BIRC6: variants seen among roughly 807,000 people sequenced by gnomAD.
The protein encoded by BIRC6 is baculoviral IAP repeat containing 6.
BIRC6 carries 98 observed loss-of-function variants against 503.3 expected under a neutral mutation model. The observed-to-expected ratio is 0.19, with a 90% confidence interval of 0.17 to 0.23. BIRC6 has a LOEUF of 0.23. BIRC6 is among the 10% of genes least tolerant of loss of function. The probability of loss-of-function intolerance (pLI) is 1.00; values close to 1 mark genes in which losing one functional copy is unlikely to be tolerated. For synonymous variants in BIRC6, 2,240 were observed against 2,078.7 expected (o/e 1.08, Z -2.11); for missense variants, 5,360 against 5,806.0 (o/e 0.92, Z 2.50).
chr2:32,410,551 T>C (rs932778812), intron 9 of BIRC6, among the ~76,000 whole-genome samples: 1 of 152,172 alleles, frequency 6.6e-6, no homozygotes, highest in Admixed American at 6.5e-5. Context: ...TGAAATGACA[T>C]CATCCCCAGA....
At chr2:32,532,314 A>AG in intron 61 of BIRC6, 2 of 469,608 alleles carry the variant, frequency 4.3e-6, no homozygotes, top group Non-Finnish European at 8.8e-6. Context: ...AGATATCAGC[A>AG]GGGCCATGCT....
chr2:32,423,167 T>G (rs1172443802), intron 10 of BIRC6, among the ~76,000 whole-genome samples: 5 of 152,230 alleles, frequency 3.3e-5, no homozygotes, highest in Non-Finnish European at 7.3e-5. Flanking sequence ...TGACCTTAAG[T>G]GCTCCGCCCG....
chr2:32,467,362 T>C (rs942014707), intron 26 of BIRC6, among the ~76,000 whole-genome samples, 163 bp from the exon 27 acceptor site: 4 of 152,246 alleles, frequency 2.6e-5, no homozygotes, highest in Non-Finnish European at 5.9e-5. Context: ...CAGAAAATTT[T>C]TGAATCAATT....
chr2:32,407,508 G>A (rs1490724803), intron 9 of BIRC6, among the ~76,000 whole-genome samples: 7 of 151,604 alleles, frequency 4.6e-5, no homozygotes, highest in Non-Finnish European at 1.5e-5. Context: ...TAGTGCCTGG[G>A]AAGTACCCAG....
At chr2:32,529,937 A>C (rs998283129) in intron 60 of BIRC6, 113 bp downstream of exon 60, 6 of 658,336 alleles carry the variant, frequency 9.1e-6, no homozygotes, top group Middle Eastern at 4.3e-4. Context: ...ATAAGATATA[A>C]TTTTTTTATG....
In BIRC6 at chr2:32,515,545, C is replaced by G. The variant is rs1423371299; in HGVS notation, c.11124C>G (p.Val3708=). The part of the protein sequence containing the change: ...IMKDWLGGSE[V]NPLWTALLFL... ...AAGATTGGCTTGGTGGTTCTGAAGT[C>G]AATCCACTATGGACAGCACTTCTGT... Residue 3708 remains valine, a synonymous_variant, in exon 55 of 74, where the codon GTC becomes GTG. Transcript: ENST00000421745. The G allele has an allele frequency of 6.2e-7, 1 of 1,613,972 alleles. No individual in the cohort carries two copies.
At chr2:32,400,961 A>G (rs899429163) in intron 6 of BIRC6, among the ~76,000 whole-genome samples, 1 of 152,132 alleles carries the variant, frequency 6.6e-6, no homozygotes, top group Non-Finnish European at 1.5e-5. Flanking sequence ...GAATGTTTGG[A>G]ATATTGAATG....
chr2:32,597,430 C>T (rs1232444855), intron 68 of BIRC6, among the ~76,000 whole-genome samples: 4 of 152,134 alleles, frequency 2.6e-5, no homozygotes, highest in Admixed American at 6.5e-5. Context: ...TTAATAGACC[C>T]TGTCCTCTAT....
Position 32,436,126 on chromosome 2 carries a change from C to G in BIRC6, c.3573C>G (p.Gly1191=), listed in dbSNP as rs1574190581. ...GTGGGCCAGTATGGCTTGCTAGTGG[C>G]CTTGATCTATCAGGGCATGCTGGAA... ...ILCGPVWLAS[G]LDLSGHAGML... is the part of the protein sequence containing the mutation. Residue 1191 remains glycine, a synonymous_variant, in exon 15 of 74, where the codon GGC becomes GGG. Transcript: ENST00000421745. The G allele has an allele frequency of 6.7e-7, 1 of 1,497,260 alleles. No homozygotes were observed. Among genetic ancestry groups the G allele is most frequent in the Non-Finnish European group, 9.0e-7 (1 of 1,109,754 alleles). 92.7% of individuals were successfully genotyped at this position (1,497,260 alleles called of 1,614,324 possible).
At chr2:32,483,665 G>A (rs1205696147) in intron 39 of BIRC6, among the ~76,000 whole-genome samples, 1 of 152,264 alleles carries the variant, frequency 6.6e-6, no homozygotes, top group Middle Eastern at 3.4e-3. Flanking sequence ...CCTCATAGTT[G>A]ACCTTCATGA....
intron 23 of BIRC6, among the ~76,000 whole-genome samples, chr2:32,459,478 A>G (rs1574360331): frequency 6.6e-6 from 1 of 152,160 alleles, no homozygotes; most frequent in African/African-American, 2.4e-5. Context: ...AGTACAACCT[A>G]CAAATATTCT....
chr2:32,401,871 C>T (rs574116176), intron 8 of BIRC6, among the ~76,000 whole-genome samples: 1 of 152,172 alleles, frequency 6.6e-6, no homozygotes, highest in African/African-American at 2.4e-5. Flanking sequence ...ATAATTGCCA[C>T]ATTGAACAAT....
intron 21 of BIRC6, among the ~76,000 whole-genome samples, 184 bp from the exon 22 acceptor site, chr2:32,448,611 G>C (rs2046345177): frequency 6.6e-6 from 1 of 151,948 alleles, no homozygotes. Context: ...GTACAGTCCA[G>C]CTTCGGCTCG....
At chr2:32,600,811 T>TA (rs2062006756) in intron 70 of BIRC6, among the ~76,000 whole-genome samples, 1 of 152,196 alleles carries the variant, frequency 6.6e-6, no homozygotes, top group Non-Finnish European at 1.5e-5. Flanking sequence ...TACACACTGT[T>TA]AGCATTTAAT....
chr2:32,540,729 T>C (rs567491597), intron 61 of BIRC6, among the ~76,000 whole-genome samples: 2 of 152,156 alleles, frequency 1.3e-5, no homozygotes, highest in East Asian at 1.9e-4. Flanking sequence ...TTGAAATTAA[T>C]CTTTGTTGAT....
intron 61 of BIRC6, among the ~76,000 whole-genome samples, chr2:32,536,559 G>A (rs1442191139): frequency 6.6e-6 from 1 of 152,150 alleles, no homozygotes; most frequent in Non-Finnish European, 1.5e-5. Context: ...TTATTAAATA[G>A]GGAATCCTTT....
chr2:32,474,981 G>A (rs1254639386), intron 33 of BIRC6, among the ~76,000 whole-genome samples: 9 of 151,568 alleles, frequency 5.9e-5, no homozygotes, highest in African/African-American at 1.7e-4. Flanking sequence ...AGGTTGAGGC[G>A]GGTGGATCAG....
rs201321733 is a variant in BIRC6 at position 32,431,086 on chromosome 2, G to C, written c.3244G>C (p.Asp1082His). The change falls in exon 12 of 74, where the codon GAC (aspartate) becomes CAC (histidine). Residue 1082 changes from aspartate (D) to histidine (H), a missense_variant. Transcript: ENST00000421745. ...QHTRTWKLQTDSNSWDEHVFE... is the reference protein window; with the variant it reads ...QHTRTWKLQTHSNSWDEHVFE... ...TACTCGAACTTGGAAACTACAGACCGACAGGTAAAAGATATTCCCAAGATA... is the reference window on the plus strand; with the variant it reads ...TACTCGAACTTGGAAACTACAGACCCACAGGTAAAAGATATTCCCAAGATA... 1 of 1,589,270 alleles carries C rather than the reference G, an allele frequency of 6.3e-7. No homozygotes were observed. Among genetic ancestry groups the C allele is most frequent in the East Asian group, 2.3e-5 (1 of 43,454 alleles).
intron 44 of BIRC6, among the ~76,000 whole-genome samples, chr2:32,492,243 A>G (rs879441626): frequency 1.3e-5 from 2 of 152,088 alleles, no homozygotes; most frequent in Non-Finnish European, 2.9e-5. Context: ...TTCTCTATTA[A>G]TTCACTTATT....
Sources: gnomAD v4.1 joint callset for allele counts (sites outside exome capture counted in the v4.1 genomes callset) on GRCh38, gnomAD v4.1.1 for gene constraint, MANE v1.5 for transcripts, NCBI Gene and HGNC (gene_info 2026-07-23, HGNC 2026-07-21) for gene names.